PAWR: variants seen among roughly 807,000 people sequenced by gnomAD.
PAWR encodes pro-apoptotic WT1 regulator, also known as PRKC apoptosis WT1 regulator protein.
PAWR carries 23 observed loss-of-function variants against 32.0 expected under a neutral mutation model. The observed-to-expected ratio is 0.72, with a 90% CI of 0.52 to 1.02. The LOEUF (loss-of-function observed/expected upper bound fraction) is 1.02. Among genes scored for constraint, PAWR ranks in the 50% least tolerant of loss-of-function variants. The probability of loss-of-function intolerance (pLI) is 0.00; values close to 1 mark genes in which losing one functional copy is unlikely to be tolerated. For synonymous variants in PAWR, 226 were observed against 187.1 expected (o/e 1.21, Z -1.70); for missense variants, 457 against 437.7 (o/e 1.04, Z -0.39).
intron 2 of PAWR, among the ~76,000 whole-genome samples, chr12:79,632,966 T>C (rs2136751122): frequency 6.6e-6 from 1 of 152,104 alleles, no homozygotes; most frequent in East Asian, 1.9e-4. Context: ...AAACCCTGTC[T>C]CTACTAAAAA....
At chr12:79,633,973 A>G (rs1875839835) in intron 2 of PAWR, among the ~76,000 whole-genome samples, 1 of 152,298 alleles carries the variant, frequency 6.6e-6, no homozygotes, top group East Asian at 1.9e-4. Flanking sequence ...GTGCTGGTAT[A>G]GATAAAACAA....
chr12:79,646,762 T>C (rs1211748429), intron 2 of PAWR, among the ~76,000 whole-genome samples: 1 of 152,160 alleles, frequency 6.6e-6, no homozygotes, highest in East Asian at 1.9e-4. Context: ...ACAAACAAAA[T>C]GGTTTATGTA....
rs1246494602 is a variant in PAWR at position 79,587,883 on chromosome 12, A to AACCT, written c.*4720_*4723dup. On this transcript the variant is annotated 3_prime_UTR_variant, in exon 7 of 7. Coordinates refer to ENST00000328827, the MANE Select transcript of PAWR (RefSeq NM_002583.4). ...ATTAAGTTGACTATTCCACAATAAAAACCTATGAAATGGGAATGATCAAAG... is the reference window on the plus strand; with the variant it reads ...ATTAAGTTGACTATTCCACAATAAAAACCTACCTATGAAATGGGAATGATCAAAG... 1 of 144,920 alleles carries AACCT rather than the reference A, an allele frequency of 6.9e-6. No individual in the cohort carries two copies. The highest frequency in any genetic ancestry group is 2.4e-5 in the African/African-American group (1 of 41,292). 9.0% of individuals were successfully genotyped at this position (144,920 alleles called of 1,614,324 possible).
intron 2 of PAWR, among the ~76,000 whole-genome samples, chr12:79,655,734 C>G (rs1023952801): frequency 1.3e-5 from 2 of 152,202 alleles, no homozygotes; most frequent in Admixed American, 1.3e-4. Context: ...AAAAAGACTT[C>G]AAGCTTTTGC....
intron 2 of PAWR, among the ~76,000 whole-genome samples, chr12:79,663,444 T>C (rs1160882260): frequency 2.0e-5 from 3 of 152,182 alleles, no homozygotes; most frequent in Non-Finnish European, 4.4e-5. Flanking sequence ...CTGTCATAGA[T>C]TCATTAAAGT....
At chr12:79,638,903 T>TATACA (rs56996363) in intron 2 of PAWR, among the ~76,000 whole-genome samples, 1 of 30,072 alleles carries the variant, frequency 3.3e-5, no homozygotes, top group African/African-American at 3.1e-4. Context: ...TATATTTTTT[T>TATACA]TTTTTTTTTT....
chr12:79,672,808 T>C (rs966843908), intron 2 of PAWR, among the ~76,000 whole-genome samples: 1 of 152,166 alleles, frequency 6.6e-6, no homozygotes, highest in African/African-American at 2.4e-5. Context: ...AATTTGTTCA[T>C]TACTGCAATT....
At chr12:79,598,589 T>C (rs1428445026) in intron 4 of PAWR, among the ~76,000 whole-genome samples, 1 of 152,238 alleles carries the variant, frequency 6.6e-6, no homozygotes, top group Non-Finnish European at 1.5e-5. Context: ...TTCTTACCTA[T>C]GAATTTTCTT....
At chr12:79,646,071 GT>G (rs1876560895) in intron 2 of PAWR, among the ~76,000 whole-genome samples, 1 of 152,074 alleles carries the variant, frequency 6.6e-6, no homozygotes, top group African/African-American at 2.4e-5. Context: ...TTTCGGATTT[GT>G]GTTTTTTTCA....
At chr12:79,607,773 T>C (rs1396049050) in intron 4 of PAWR, among the ~76,000 whole-genome samples, 2 of 151,474 alleles carry the variant, frequency 1.3e-5, no homozygotes, top group African/African-American at 4.8e-5. Context: ...ATCTGGCTGA[T>C]TTTTCTGGTT....
At chr12:79,653,803 ACCT>A (rs1299752128) in intron 2 of PAWR, among the ~76,000 whole-genome samples, 6 of 151,954 alleles carry the variant, frequency 3.9e-5, no homozygotes, top group African/African-American at 7.3e-5. Flanking sequence ...TTAAGAATTC[ACCT>A]CCTCATTTTA....
intron 2 of PAWR, among the ~76,000 whole-genome samples, chr12:79,646,516 G>T (rs1156691282): frequency 1.3e-5 from 2 of 152,084 alleles, no homozygotes; most frequent in Admixed American, 1.3e-4. Context: ...TGAAACAAGT[G>T]TAATAAATAT....
At chr12:79,687,593 C>G (rs531939762) in intron 2 of PAWR, among the ~76,000 whole-genome samples, 2 of 151,850 alleles carry the variant, frequency 1.3e-5, no homozygotes, top group African/African-American at 4.8e-5. Context: ...TTTTCATACC[C>G]GAAAAATTTG....
rs1749676490 is a variant in PAWR at position 79,594,394 on chromosome 12, T to G, written c.871A>C (p.Arg291=). The G allele has an allele frequency of 1.3e-6, 2 of 1,569,628 alleles. No individual in the cohort carries two copies. Among genetic ancestry groups the G allele is most frequent in the Non-Finnish European group, 1.7e-6 (2 of 1,147,356 alleles). ...RERQENLRLV[R]LMQDKEEMIG... is the part of the protein sequence containing the mutation. Reference sequence around the variant, plus strand: ...ATTTCCTCTTTATCTTGCATCAGTCTCACAAGTCTTAGGTTTTCTTGTCTT... The same window carrying G: ...ATTTCCTCTTTATCTTGCATCAGTCGCACAAGTCTTAGGTTTTCTTGTCTT... Residue 291 remains arginine, a synonymous_variant, in exon 6 of 7, where the codon AGA becomes CGA. Coordinates refer to ENST00000328827, the MANE Select transcript of PAWR (RefSeq NM_002583.4).
At chr12:79,667,475 G>A (rs990211446) in intron 2 of PAWR, among the ~76,000 whole-genome samples, 2 of 152,124 alleles carry the variant, frequency 1.3e-5, no homozygotes, top group Non-Finnish European at 2.9e-5. Flanking sequence ...TCTAGACTGT[G>A]AGAAACAACA....
chr12:79,637,317 T>A (rs1440660805), intron 2 of PAWR, among the ~76,000 whole-genome samples: 1 of 152,094 alleles, frequency 6.6e-6, no homozygotes, highest in Admixed American at 6.6e-5. Context: ...TTCCACTCAT[T>A]TTCTTCAGGG....
At chr12:79,604,286 A>C in intron 4 of PAWR, 1 of 994,628 alleles carries the variant, frequency 1.0e-6, no homozygotes, top group East Asian at 1.1e-4. Context: ...TAATGCTCAG[A>C]AAAGGGAAAA....
At chr12:79,650,144 T>A (rs1876770510) in intron 2 of PAWR, among the ~76,000 whole-genome samples, 1 of 152,222 alleles carries the variant, frequency 6.6e-6, no homozygotes, top group Non-Finnish European at 1.5e-5. Flanking sequence ...CTGAGTTAAA[T>A]TTCCATATCC....
At position 79,594,393 on chromosome 12, in the gene PAWR, C is replaced by G. The variant is rs1302869498; in HGVS notation, c.872G>C (p.Arg291Thr). Residue 291 changes from arginine to threonine, a missense_variant, in exon 6 of 7, where the codon AGA (arginine) becomes ACA (threonine). Transcript: ENST00000328827. ...RERQENLRLV[R>T]LMQDKEEMIG... The stretch of plus-strand genomic sequence containing the variant: ...CATTTCCTCTTTATCTTGCATCAGT[C>G]TCACAAGTCTTAGGTTTTCTTGTCT... The G allele has an allele frequency of 2.5e-6, 4 of 1,569,336 alleles. No homozygotes were observed. Among genetic ancestry groups the G allele is most frequent in the Non-Finnish European group, 3.5e-6 (4 of 1,147,566 alleles).
Sources: allele counts gnomAD v4.1 joint callset (sites outside exome capture counted in the v4.1 genomes callset), GRCh38; gene constraint gnomAD v4.1.1; transcripts MANE v1.5; gene names NCBI Gene and HGNC (gene_info 2026-07-23, HGNC 2026-07-21).